CDH8: variants seen among roughly 807,000 people sequenced by gnomAD.
The protein encoded by CDH8 is cadherin-8.
CDH8 carries 17 observed loss-of-function variants against 68.1 expected under a neutral mutation model. That is an observed-to-expected ratio of 0.25 (90% CI 0.17 to 0.37). CDH8 has a LOEUF of 0.37. Ranked by LOEUF, CDH8 falls within the 10% of genes least tolerant of loss-of-function variation. The pLI, the probability that CDH8 is intolerant of heterozygous loss-of-function variation, is 1.00. For missense variants in CDH8, 763 were observed against 999.3 expected, an observed-to-expected ratio of 0.76 and a Z score of 3.19; for synonymous variants, 372 against 365.1, an observed-to-expected ratio of 1.02 and a Z score of -0.21.
intron 10 of CDH8, among the ~76,000 whole-genome samples, chr16:61,698,484 G>A (rs966194313): frequency 6.6e-6 from 1 of 152,088 alleles, no homozygotes; most frequent in Non-Finnish European, 1.5e-5. Context: ...TATAATCACA[G>A]CTGTGACAGA....
chr16:61,653,538 T>G lies in CDH8; in HGVS notation c.*70A>C, dbSNP rs929474394. 2.4e-5 allele frequency: 37 copies of G among 1,517,116 alleles called. No homozygotes were observed. The highest frequency in any genetic ancestry group is 1.8e-4 in the Middle Eastern group (1 of 5,598). The allele number at this position is 1,517,116 out of a possible 1,614,324, so 94.0% of individuals were successfully genotyped here. A position where few individuals can be genotyped will look rare whatever the true frequency, so the allele number is the denominator to read the frequency against. On this transcript the variant is annotated 3_prime_UTR_variant, in exon 12 of 12. Transcript: ENST00000577390. The stretch of plus-strand genomic sequence containing the variant: ...CTCTAAAACAAATAGCCACATTGGT[T>G]GTATCTAAGGGGAGTGACCCTAGAA...
chr16:61,687,381 G>A (rs1041916302), intron 10 of CDH8, among the ~76,000 whole-genome samples: 2 of 151,974 alleles, frequency 1.3e-5, no homozygotes, highest in East Asian at 1.9e-4. Flanking sequence ...TCACATACCC[G>A]TTTTGTAGAC....
intron 10 of CDH8, among the ~76,000 whole-genome samples, chr16:61,700,856 G>T (rs770208687): frequency 6.6e-6 from 1 of 152,116 alleles, no homozygotes. Context: ...ACAACAATTT[G>T]TTGTATATTT....
rs554232989 is a variant in CDH8, at chr16:61,953,565, C to CA, written c.253-52093dup. On this transcript the variant is annotated intron_variant, in intron 2 of 11. Coordinates refer to ENST00000577390, the MANE Select transcript of CDH8 (RefSeq NM_001796.5). ...CTGAGTATGAGACCAATTTTTCTTA[C>CA]AAAAAAAAAAAAGACACTGGAGCCA... Among the ~76,000 whole-genome samples the CA allele has an allele frequency of 2.5e-3, 342 of 137,586 alleles. 4 individuals carry two copies. Among genetic ancestry groups the CA allele is most frequent in the Admixed American group, 4.6e-3 (63 of 13,568 alleles). The allele number at this position is 137,586 out of a possible 152,430, so 90.3% of individuals were successfully genotyped here. A position where few individuals can be genotyped will look rare whatever the true frequency, so the allele number is the denominator to read the frequency against.
At chr16:61,944,614 A>C (rs1302007535) in intron 2 of CDH8, among the ~76,000 whole-genome samples, 1 of 152,216 alleles carries the variant, frequency 6.6e-6, no homozygotes, top group African/African-American at 2.4e-5. Context: ...AATCACTTAC[A>C]TTTTGAGAGA....
chr16:61,734,889 G>A (rs1183896494), intron 8 of CDH8, among the ~76,000 whole-genome samples: 1 of 151,970 alleles, frequency 6.6e-6, no homozygotes, highest in Non-Finnish European at 1.5e-5. Context: ...ACATAGAAAT[G>A]TATTCCTTTA....
chr16:61,878,641 T>C (rs1963508339), intron 3 of CDH8, among the ~76,000 whole-genome samples: 2 of 152,222 alleles, frequency 1.3e-5, no homozygotes, highest in Non-Finnish European at 2.9e-5. Flanking sequence ...ATAATATAGA[T>C]TTACTGAACA....
At chr16:61,687,305 C>T (rs1272193763) in intron 10 of CDH8, among the ~76,000 whole-genome samples, 1 of 151,936 alleles carries the variant, frequency 6.6e-6, no homozygotes, top group East Asian at 1.9e-4. Context: ...CAATTCTTTA[C>T]TTAATATGTA....
At chr16:61,871,815 C>CAAAAAAAAAAAAAAAAAAAA (rs144379377) in intron 3 of CDH8, among the ~76,000 whole-genome samples, 4 of 43,346 alleles carry the variant, frequency 9.2e-5, no homozygotes, top group Non-Finnish European at 1.6e-4. Context: ...GTTCTATATG[C>CAAAAAAAAAAAAAAAAAAAA]AAAAAAAAAA....
intron 2 of CDH8, among the ~76,000 whole-genome samples, chr16:62,003,942 G>A (rs1043700699): frequency 4.6e-5 from 7 of 152,036 alleles, no homozygotes; most frequent in Admixed American, 6.5e-5. Context: ...TCCTTCCTCA[G>A]ACTCAGTATT....
At position 61,650,638 on chromosome 16, in the gene CDH8, T is replaced by C. The variant is rs1023587317; in HGVS notation, c.*2970A>G. ...GGCAAGTCTATTGCTAAAGTAAAAC[T>C]TCAAGTCAAAATGTGTGTTTTTTAT... On this transcript the variant is annotated 3_prime_UTR_variant, in exon 12 of 12. Coordinates refer to ENST00000577390, the MANE Select transcript of CDH8 (RefSeq NM_001796.5). The C allele has an allele frequency of 1.3e-5, 2 of 151,460 alleles. No individual in the cohort carries two copies. The highest frequency in any genetic ancestry group is 1.9e-4 in the East Asian group (1 of 5,150). 9.4% of individuals were successfully genotyped at this position (151,460 alleles called of 1,614,324 possible). A position where few individuals can be genotyped will look rare whatever the true frequency, so the allele number is the denominator to read the frequency against.
At chr16:61,874,255 G>C (rs552560352) in intron 3 of CDH8, among the ~76,000 whole-genome samples, 1 of 152,232 alleles carries the variant, frequency 6.6e-6, no homozygotes, top group Non-Finnish European at 1.5e-5. Context: ...TTGAAGGTAG[G>C]CTAGGCTGAG....
At chr16:61,716,163 C>T (rs1964725966) in intron 9 of CDH8, among the ~76,000 whole-genome samples, 1 of 151,584 alleles carries the variant, frequency 6.6e-6, no homozygotes, top group African/African-American at 2.4e-5. Context: ...TAATTAAATG[C>T]TTTCCTACAG....
chr16:61,819,173 A>G (rs73564355), intron 6 of CDH8, among the ~76,000 whole-genome samples: 4,701 of 152,114 alleles, frequency 0.031, 234 homozygotes, highest in African/African-American at 0.11. Context: ...CAATGAACCC[A>G]GACACATTCT....
rs537733840 is a variant in CDH8 at position 61,860,068 on chromosome 16, C to T, written c.548-2830G>A. 3.3e-5 allele frequency among the ~76,000 whole-genome samples: 5 copies of T among 152,216 alleles called. No homozygotes were observed. In the East Asian group the frequency reaches 5.8e-4, roughly 18 times the overall value. On this transcript the variant is annotated intron_variant, in intron 3 of 11. Coordinates refer to ENST00000577390, the MANE Select transcript of CDH8 (RefSeq NM_001796.5). ...ATGTTGGCCAGGGTGGTCTCTATCT[C>T]GTGACATCGTGATCTGCCCACCTCT...
intron 7 of CDH8, among the ~76,000 whole-genome samples, chr16:61,796,707 C>T (rs74464557): frequency 0.011 from 1,624 of 152,062 alleles, 34 homozygotes; most frequent in African/African-American, 0.037. Context: ...GAAGTAAATG[C>T]TAAGGAACTG....
At chr16:61,824,719 C>G (rs1962290802) in intron 5 of CDH8, among the ~76,000 whole-genome samples, 1 of 151,886 alleles carries the variant, frequency 6.6e-6, no homozygotes, top group Non-Finnish European at 1.5e-5. Flanking sequence ...ATCACCCTCT[C>G]AAGCTTTCAT....
intron 1 of CDH8, among the ~76,000 whole-genome samples, chr16:62,035,422 G>A (rs1033482385): frequency 2.6e-5 from 4 of 152,178 alleles, no homozygotes; most frequent in East Asian, 1.9e-4. Flanking sequence ...GCGTCTTGGC[G>A]AGGGCAGAGC....
chr16:61,962,955 A>C (rs1243446474), intron 2 of CDH8, among the ~76,000 whole-genome samples: 1 of 152,156 alleles, frequency 6.6e-6, no homozygotes, highest in African/African-American at 2.4e-5. Flanking sequence ...CTGTTGTAAC[A>C]TTGTATTCAC....
Sources: gnomAD v4.1 joint callset for allele counts (sites outside exome capture counted in the v4.1 genomes callset) on GRCh38, gnomAD v4.1.1 for gene constraint, MANE v1.5 for transcripts, NCBI Gene and HGNC (gene_info 2026-07-23, HGNC 2026-07-21) for gene names.